Variants in CABP7 observed in about 807,000 individuals in gnomAD.
CABP7 encodes the protein calcium-binding protein 7.
CABP7 carries 13 observed loss-of-function variants against 23.1 expected under a neutral mutation model. That is an observed-to-expected ratio of 0.56 (90% confidence interval 0.37 to 0.90). CABP7 has a LOEUF of 0.90. Among genes scored for constraint, CABP7 ranks in the 40% least tolerant of loss-of-function variants. CABP7 has a pLI of 0.01. For synonymous variants in CABP7, 123 were observed against 115.3 expected, an observed-to-expected ratio of 1.07 and a Z score of -0.43; for missense variants, 248 against 295.6, an observed-to-expected ratio of 0.84 and a Z score of 1.18.
Position 29,720,620 on chromosome 22 carries a change from G to A in CABP7, c.109+87G>A. On this transcript the variant is annotated intron_variant, in intron 1 of 4. Transcript: ENST00000216144. This position sits in a 1 kb window ranked among gnomAD's most constrained non-coding sequence, Gnocchi z 5.2. ...CGGGCCAGGGGCGCGGGGGCGGGGG[G>A]CGGGGGGCGGTCCGCAGGTGCCGGT... 1 of 765,086 alleles carries A rather than the reference G, an allele frequency of 1.3e-6. No homozygotes were observed. Among genetic ancestry groups the A allele is most frequent in the Non-Finnish European group, 1.9e-6 (1 of 526,658 alleles). 47.4% of individuals were successfully genotyped at this position (765,086 alleles called of 1,614,324 possible). A position where few individuals can be genotyped will look rare whatever the true frequency, so the allele number is the denominator to read the frequency against.
intron 1 of CABP7, among the ~76,000 whole-genome samples, chr22:29,725,975 C>T (rs1341161255): frequency 1.3e-5 from 2 of 152,188 alleles, no homozygotes; most frequent in African/African-American, 4.8e-5. Context: ...CTCACACATC[C>T]CCTGTGACGG....
chr22:29,721,497 A>G (rs974091448), intron 1 of CABP7, among the ~76,000 whole-genome samples: 3 of 151,886 alleles, frequency 2.0e-5, no homozygotes, highest in Non-Finnish European at 4.4e-5. Flanking sequence ...CTGCTGTTGC[A>G]AGGGGCTGAG....
chr22:29,728,506 G>A (rs1006980528), intron 2 of CABP7, 124 bp from the exon 3 acceptor site: 6 of 614,898 alleles, frequency 9.8e-6, no homozygotes, highest in Non-Finnish European at 1.8e-5. Flanking sequence ...CAGAGAAGGC[G>A]GGCACCTGCC....
At chr22:29,725,022 C>T (rs2067785398) in intron 1 of CABP7, among the ~76,000 whole-genome samples, 1 of 152,288 alleles carries the variant, frequency 6.6e-6, no homozygotes, top group African/African-American at 2.4e-5. Context: ...GCTCCCACTG[C>T]ATCCCCTACT....
intron 1 of CABP7, among the ~76,000 whole-genome samples, chr22:29,726,615 C>T (rs948958730): frequency 6.6e-6 from 1 of 152,244 alleles, no homozygotes; most frequent in African/African-American, 2.4e-5. Context: ...CACCCTCTCT[C>T]ACATGAGGAG....
Position 29,725,129 on chromosome 22 carries a change from C to T in CABP7, c.110-2533C>T, listed in dbSNP as rs184077534. 2.3e-3 allele frequency among the ~76,000 whole-genome samples: 355 copies of T among 152,256 alleles called. 5 individuals are homozygous for T. The highest frequency in any genetic ancestry group is 0.021 in the Admixed American group (328 of 15,292). ...GGAGGAGCGGTGCCTGACCCTGGTC[C>T]TCCTTCCCCACACCACCGTCTGGCC... On this transcript the variant is annotated intron_variant, in intron 1 of 4. Transcript: ENST00000216144.
intron 2 of CABP7, 30 bp from the exon 3 acceptor site, chr22:29,728,600 A>C: frequency 7.1e-7 from 1 of 1,416,810 alleles, no homozygotes; most frequent in Non-Finnish European, 1.0e-6. Flanking sequence ...GGCCCTACCC[A>C]CTGATTGATT....
chr22:29,725,152 G>A (rs1381898029), intron 1 of CABP7, among the ~76,000 whole-genome samples: 6 of 152,098 alleles, frequency 3.9e-5, no homozygotes, highest in Non-Finnish European at 8.8e-5. Context: ...CCACCGTCTG[G>A]CCCCCACTCG....
At chr22:29,729,240 G>C in intron 4 of CABP7, 32 bp downstream of exon 4, 2 of 1,589,000 alleles carry the variant, frequency 1.3e-6, no homozygotes, top group South Asian at 2.2e-5. Flanking sequence ...CCCACGGGTG[G>C]GCCCAGTGAC....
rs1249095368 is a variant in CABP7, at chr22:29,727,904, GTC to G, written c.253+104_253+105del. On this transcript the variant is annotated intron_variant, in intron 2 of 4. Coordinates refer to ENST00000216144, the MANE Select transcript of CABP7 (RefSeq NM_182527.3). The surrounding 1 kb of genome is among the most constrained non-coding windows in gnomAD (Gnocchi z 4.2). The stretch of plus-strand genomic sequence containing the variant: ...GCTGCTGAGGCTGCATCCAAATTGG[GTC>G]TCTCGCTCCCCTGACTCCCACCCTC... The G allele has an allele frequency of 7.3e-7, 1 of 1,361,952 alleles. No individual in the cohort carries two copies. Among genetic ancestry groups the G allele is most frequent in the East Asian group, 2.5e-5 (1 of 39,954 alleles). 84.4% of individuals were successfully genotyped at this position (1,361,952 alleles called of 1,614,324 possible). A position where few individuals can be genotyped will look rare whatever the true frequency, so the allele number is the denominator to read the frequency against.
rs559054901 is a variant in CABP7 at position 29,731,508 on chromosome 22, G to A, written c.*1939G>A. 44 of 996,658 alleles carry A rather than the reference G, an allele frequency of 4.4e-5. No homozygotes were observed. Among genetic ancestry groups the A allele is most frequent in the Non-Finnish European group, 6.1e-5 (44 of 718,356 alleles). The allele number at this position is 996,658 out of a possible 1,614,324, so 61.7% of individuals were successfully genotyped here. A position where few individuals can be genotyped will look rare whatever the true frequency, so the allele number is the denominator to read the frequency against. ...GCAGAGCCTCGAAAATAGGCAGACC[G>A]TTTGAGCCAGCGACCTCACCTCTAG... On this transcript the variant is annotated 3_prime_UTR_variant, in exon 5 of 5. Coordinates refer to ENST00000216144, the MANE Select transcript of CABP7 (RefSeq NM_182527.3).
intron 1 of CABP7, among the ~76,000 whole-genome samples, chr22:29,726,970 C>T (rs1277454427): frequency 1.3e-5 from 2 of 152,170 alleles, no homozygotes; most frequent in African/African-American, 2.4e-5. Context: ...GCTTGTTCCC[C>T]GGGCTCCCAG....
rs982192054 is a variant in CABP7, at chr22:29,729,703, G to A, written c.*134G>A. 7.6e-6 allele frequency: 9 copies of A among 1,185,214 alleles called. No homozygotes were observed. The highest frequency in any genetic ancestry group is 5.1e-5 in the East Asian group (2 of 39,518). 73.4% of individuals were successfully genotyped at this position (1,185,214 alleles called of 1,614,324 possible). A position where few individuals can be genotyped will look rare whatever the true frequency, so the allele number is the denominator to read the frequency against. ...GTACTTCAGGGCCTGGGTATCCAGC[G>A]AGCCCTCCCCACCCACCCACGGTCC... is the stretch of plus-strand genomic sequence containing the variant. On this transcript the variant is annotated 3_prime_UTR_variant, in exon 5 of 5. Coordinates refer to ENST00000216144, the MANE Select transcript of CABP7 (RefSeq NM_182527.3).
chr22:29,723,094 A>G (rs1337374965), intron 1 of CABP7, among the ~76,000 whole-genome samples: 1 of 152,210 alleles, frequency 6.6e-6, no homozygotes, highest in Non-Finnish European at 1.5e-5. Flanking sequence ...TACCTAGCAC[A>G]GGGGGCTCAG....
chr22:29,727,595 GGGGGT>G lies in CABP7; in HGVS notation c.110-66_110-62del. On this transcript the variant is annotated intron_variant, in intron 1 of 4. Transcript: ENST00000216144. The surrounding 1 kb of genome is among the most constrained non-coding windows in gnomAD (Gnocchi z 4.2). ...CTCAGGCTGCAGGGTCGGTGATCCT[GGGGGT>G]CTGGAAAGGGGGTCTGTTGGGGACC... 6.3e-7 allele frequency: 1 copy of G among 1,596,350 alleles called. No individual in the cohort carries two copies. The highest frequency in any genetic ancestry group is 1.7e-5 in the Admixed American group (1 of 59,314).
At position 29,726,741 on chromosome 22, in the gene CABP7, C is replaced by T. The variant is rs143297513; in HGVS notation, c.110-921C>T. Among the ~76,000 whole-genome samples, 9 of 152,276 alleles carry T rather than the reference C, an allele frequency of 5.9e-5. No individual in the cohort carries two copies. In the East Asian group the frequency reaches 1.7e-3, roughly 29 times the overall value. On this transcript the variant is annotated intron_variant, in intron 1 of 4. Coordinates refer to ENST00000216144, the MANE Select transcript of CABP7 (RefSeq NM_182527.3). ...GGGAGCCGGAGAGAGCATCGAGCCC[C>T]GCCCCCCACTCCCAAAGGCAAATGC...
chr22:29,731,121 G>T lies in CABP7; in HGVS notation c.*1552G>T. The T allele has an allele frequency of 7.9e-7, 1 of 1,271,498 alleles. No individual in the cohort carries two copies. The highest frequency in any genetic ancestry group is 1.0e-6 in the Non-Finnish European group (1 of 960,616). The allele number at this position is 1,271,498 out of a possible 1,614,324, so 78.8% of individuals were successfully genotyped here. A position where few individuals can be genotyped will look rare whatever the true frequency, so the allele number is the denominator to read the frequency against. On this transcript the variant is annotated 3_prime_UTR_variant, in exon 5 of 5. Transcript: ENST00000216144. ...TCCTGAGCCTCAGTGAGGCTGGGCAGATGGTCTCGGAGCCTCCATGGGGCG... is the reference window on the plus strand; with the variant it reads ...TCCTGAGCCTCAGTGAGGCTGGGCATATGGTCTCGGAGCCTCCATGGGGCG...
In CABP7 at chr22:29,727,647, C is replaced by T. The variant is rs756751200; in HGVS notation, c.110-15C>T. The T allele has an allele frequency of 4.3e-6, 7 of 1,613,464 alleles. No homozygotes were observed. The highest frequency in any genetic ancestry group is 3.3e-5 in the Admixed American group (2 of 59,978). The stretch of plus-strand genomic sequence containing the variant: ...GACCGGGGTGAAGTCCCAGCCTACT[C>T]CATTCTCTCCTCAGAGATCCGAGAG... On this transcript the variant is annotated splice_polypyrimidine_tract_variant and intron_variant, in intron 1 of 4. Transcript: ENST00000216144. The surrounding 1 kb of genome is among the most constrained non-coding windows in gnomAD (Gnocchi z 4.2).
In CABP7 at chr22:29,729,595, G is replaced by T; in HGVS notation, c.*26G>T. 1.2e-6 allele frequency: 2 copies of T among 1,604,058 alleles called. No homozygotes were observed. Among genetic ancestry groups the T allele is most frequent in the South Asian group, 2.2e-5 (2 of 90,988 alleles). On this transcript the variant is annotated 3_prime_UTR_variant, in exon 5 of 5. Transcript: ENST00000216144. ...ACGCCACCTGGATGCCCCATCCACC[G>T]CATGCGGTGCCCGTGGCCCGCCCCA...
Sources: gnomAD v4.1 joint callset for allele counts (sites outside exome capture counted in the v4.1 genomes callset) on GRCh38, gnomAD v4.1.1 for gene constraint, Gnocchi (gnomAD v3.1) non-coding constraint, MANE v1.5 for transcripts, NCBI Gene and HGNC (gene_info 2026-07-23, HGNC 2026-07-21) for gene names.